CD109: variants seen among roughly 807,000 people sequenced by gnomAD.
CD109 encodes CD109 antigen.
CD109 carries 149 observed loss-of-function variants against 165.8 expected under a neutral mutation model. The ratio of observed to expected loss-of-function variants is 0.90; its 90% confidence interval spans 0.79 to 1.03. CD109 has a LOEUF of 1.03. Ranked by LOEUF, CD109 falls within the 50% of genes least tolerant of loss-of-function variation. The probability of loss-of-function intolerance (pLI) is 0.00; values close to 1 mark genes in which losing one functional copy is unlikely to be tolerated. For synonymous variants in CD109, 585 were observed against 592.1 expected (o/e 0.99, Z 0.18); for missense variants, 1,712 against 1,677.8 (o/e 1.02, Z -0.36).
intron 4 of CD109, among the ~76,000 whole-genome samples, chr6:73,735,696 T>A (rs1772515415): frequency 6.6e-6 from 1 of 152,182 alleles, no homozygotes; most frequent in Non-Finnish European, 1.5e-5. Flanking sequence ...AAGGCAGACA[T>A]GAGTTTGGAT....
rs186811077 is a variant in CD109 at position 73,797,817 on chromosome 6, C to G, written c.2878+5015C>G. Among the ~76,000 whole-genome samples, 122 of 152,232 alleles carry G rather than the reference C, an allele frequency of 8.0e-4. 1 individual carries two copies. The highest frequency in any genetic ancestry group is 1.4e-3 in the Non-Finnish European group (95 of 68,000). ...AGAACAGGATGTGTCTTATCTGGCC[C>G]TTTATGAAGGGCTCATGGGTTTTTA... is the stretch of plus-strand genomic sequence containing the variant. On this transcript the variant is annotated intron_variant, in intron 23 of 32. Coordinates refer to ENST00000287097, the MANE Select transcript of CD109 (RefSeq NM_133493.5).
Position 73,823,465 on chromosome 6 carries a change from G to A in CD109, c.4170G>A (p.Gln1390=). 1.2e-6 allele frequency: 2 copies of A among 1,607,432 alleles called. No individual in the cohort carries two copies. Among genetic ancestry groups the A allele is most frequent in the Non-Finnish European group, 1.7e-6 (2 of 1,175,004 alleles). ...GTCTGCTTCTTTGAACAGGGAGACA[G>A]GCGGTGAGAAGTTACAACTCTGAAG... ...SIVDYYEPRR[Q]AVRSYNSEVK... The change falls in exon 33 of 33, where the codon CAG becomes CAA. Residue 1390 remains glutamine (Q), a synonymous_variant. Transcript: ENST00000287097.
At chr6:73,742,652 G>T (rs1443316286) in intron 5 of CD109, among the ~76,000 whole-genome samples, 1 of 152,224 alleles carries the variant, frequency 6.6e-6, no homozygotes, top group African/African-American at 2.4e-5. Flanking sequence ...GTCATTTGAT[G>T]ACGGCAGCCC....
chr6:73,739,640 A>G (rs994557459), intron 5 of CD109, among the ~76,000 whole-genome samples: 1 of 152,080 alleles, frequency 6.6e-6, no homozygotes, highest in Non-Finnish European at 1.5e-5. Context: ...CGAGGTCAGG[A>G]GACCGAGACC....
intron 21 of CD109, 25 bp downstream of exon 21, chr6:73,787,477 G>A (rs1455979720): frequency 2.6e-6 from 4 of 1,549,556 alleles, no homozygotes; most frequent in Admixed American, 3.6e-5. Flanking sequence ...TCTGAAAGAA[G>A]TGAAATGGAA....
chr6:73,778,973 A>G (rs1283837604), intron 15 of CD109, among the ~76,000 whole-genome samples: 1 of 152,212 alleles, frequency 6.6e-6, no homozygotes, highest in Admixed American at 6.5e-5. Flanking sequence ...TGTTTAATTC[A>G]GTGACATTAA....
In CD109 at chr6:73,788,680, T is replaced by C. The variant is rs1774794519; in HGVS notation, c.2701+68T>C. 12 of 1,397,886 alleles carry C rather than the reference T, an allele frequency of 8.6e-6. No homozygotes were observed. In the South Asian group the frequency reaches 1.5e-4, roughly 17 times the overall value. 86.6% of individuals were successfully genotyped at this position (1,397,886 alleles called of 1,614,324 possible). A position where few individuals can be genotyped will look rare whatever the true frequency, so the allele number is the denominator to read the frequency against. On this transcript the variant is annotated intron_variant, in intron 22 of 32. Coordinates refer to ENST00000287097, the MANE Select transcript of CD109 (RefSeq NM_133493.5). ...TGATCATATATGTTGTTCTTGTAATTATAGATGTATTTTCTTATTGAGTCC... is the reference window on the plus strand; with the variant it reads ...TGATCATATATGTTGTTCTTGTAATCATAGATGTATTTTCTTATTGAGTCC...
In CD109 at chr6:73,787,267, G is replaced by T; in HGVS notation, c.2371G>T (p.Asp791Tyr). Residue 791 changes from aspartate to tyrosine, a missense_variant, in exon 21 of 33, where the codon GAT (aspartate) becomes TAT (tyrosine). Transcript: ENST00000287097. Reference protein sequence around the residue: ...KVIIEKSDKFDILMTSNEINA... With the variant: ...KVIIEKSDKFYILMTSNEINA... ...AATCATTGAGAAAAGTGACAAATTTGATATTCTAATGACTTCAAATGAAAT... is the reference window on the plus strand; with the variant it reads ...AATCATTGAGAAAAGTGACAAATTTTATATTCTAATGACTTCAAATGAAAT... 5 of 1,613,250 alleles carry T rather than the reference G, an allele frequency of 3.1e-6. No homozygotes were observed. The highest frequency in any genetic ancestry group is 4.2e-6 in the Non-Finnish European group (5 of 1,179,596).
intron 5 of CD109, among the ~76,000 whole-genome samples, chr6:73,742,957 G>T (rs1772847778): frequency 6.6e-6 from 1 of 152,204 alleles, no homozygotes; most frequent in African/African-American, 2.4e-5. Flanking sequence ...AATGCCCGCA[G>T]CTAGGCATCT....
chr6:73,740,842 C>T (rs985045851), intron 5 of CD109, among the ~76,000 whole-genome samples: 1 of 151,846 alleles, frequency 6.6e-6, no homozygotes, highest in South Asian at 2.1e-4. Context: ...GCACCCTACT[C>T]GGCCTCCCAA....
In CD109 at chr6:73,785,382, T is replaced by G. The variant is rs765547346; in HGVS notation, c.2242T>G (p.Phe748Val). The change falls in exon 20 of 33, where the codon TTT becomes GTT. Residue 748 changes from phenylalanine (F) to valine (V), a missense_variant. Transcript: ENST00000287097. ...TPVELQAFQP[F>V]FIFLNLPYSV... Reference sequence around the variant, plus strand: ...TTTCCAGCTCCAAGCCTTCCAACCATTTTTCATTTTTTTGAATCTTCCCTA... The same window carrying G: ...TTTCCAGCTCCAAGCCTTCCAACCAGTTTTCATTTTTTTGAATCTTCCCTA... The G allele has an allele frequency of 7.5e-6, 12 of 1,600,668 alleles. No individual in the cohort carries two copies. The South Asian group carries it at 1.1e-4, about 15-fold the overall frequency.
rs55986769 is a variant in CD109, at chr6:73,768,293, A to G, written c.1674+62A>G. The G allele has an allele frequency of 2.9e-4, 289 of 1,010,126 alleles. 2 individuals carry two copies. In the African/African-American group the frequency reaches 4.0e-3, roughly 14 times the overall value. 62.6% of individuals were successfully genotyped at this position (1,010,126 alleles called of 1,614,324 possible). ...TATATTAGTGAAGTCTGAGAAATGT[A>G]ATATTTCTTTAGAAAAGTATCATTA... On this transcript the variant is annotated intron_variant, in intron 14 of 32. Coordinates refer to ENST00000287097, the MANE Select transcript of CD109 (RefSeq NM_133493.5).
intron 18 of CD109, among the ~76,000 whole-genome samples, chr6:73,783,173 G>A (rs1267603939): frequency 6.6e-6 from 1 of 152,172 alleles, no homozygotes; most frequent in Non-Finnish European, 1.5e-5. Context: ...CAGGGAGAAG[G>A]GGCATGGGTG....
intron 24 of CD109, chr6:73,804,011 GCT>G: frequency 6.6e-6 from 1 of 152,368 alleles, no homozygotes; most frequent in East Asian, 1.9e-4. Flanking sequence ...CCAAAAGGAG[GCT>G]CCAGGTTTGC....
chr6:73,685,284 AC>A, the CD109 span, among the ~76,000 whole-genome samples: 44 of 152,024 alleles, frequency 2.9e-4, no homozygotes, highest in African/African-American at 1.0e-3. Context: ...TAAGCCCCTT[AC>A]TAACTAGATA....
intron 25 of CD109, among the ~76,000 whole-genome samples, 153 bp from the exon 26 acceptor site, chr6:73,807,930 T>C (rs1775627357): frequency 2.0e-5 from 3 of 152,198 alleles, no homozygotes; most frequent in Non-Finnish European, 4.4e-5. Flanking sequence ...TAAATGTCAA[T>C]GATCATGGTT....
In CD109 at chr6:73,818,384, T is replaced by G. The variant is rs754711555; in HGVS notation, c.3912-4T>G. ...TTTTCATTCATCCTCCCTCTTTGAT[T>G]TAGCTTTTCGGGCCCGGGTAGGAGT... On this transcript the variant is annotated splice_polypyrimidine_tract_variant and splice_region_variant and intron_variant, in intron 30 of 32. Transcript: ENST00000287097. 1 of 1,613,782 alleles carries G rather than the reference T, an allele frequency of 6.2e-7. No individual in the cohort carries two copies. The highest frequency in any genetic ancestry group is 1.3e-5 in the African/African-American group (1 of 75,026).
intron 8 of CD109, 32 bp from the exon 9 acceptor site, chr6:73,762,709 G>T: frequency 1.3e-6 from 2 of 1,539,636 alleles, no homozygotes; most frequent in South Asian, 2.4e-5. Context: ...TTGCTAAAAT[G>T]GTAAATAATA....
At chr6:73,709,701 C>T (rs10223501) in intron 2 of CD109, among the ~76,000 whole-genome samples, 80,163 of 151,844 alleles carry the variant, frequency 0.53, 21,440 homozygotes, top group East Asian at 0.75. Flanking sequence ...AATAAAATAC[C>T]GGCAAACCAA....
Sources: allele counts gnomAD v4.1 joint callset (sites outside exome capture counted in the v4.1 genomes callset), GRCh38; gene constraint gnomAD v4.1.1; transcripts MANE v1.5; gene names NCBI Gene and HGNC (gene_info 2026-07-23, HGNC 2026-07-21).